The following TBC1D30 variants were observed in gnomAD, a reference collection of about 807,000 sequenced individuals.
TBC1D30 encodes the protein TBC1 domain family member 30.
In TBC1D30, 31 loss-of-function variants were observed where a neutral mutation model predicts 63.2. The ratio of observed to expected loss-of-function variants is 0.49; its 90% CI spans 0.37 to 0.66. The LOEUF is 0.66. TBC1D30 is among the 30% of genes least tolerant of loss of function. The pLI, the probability that TBC1D30 is intolerant of heterozygous loss-of-function variation, is 0.00. For missense variants in TBC1D30, 810 were observed against 953.6 expected (o/e 0.85, Z 1.98); for synonymous variants, 307 against 361.5 (o/e 0.85, Z 1.71).
chr12:64,804,000 A>G (rs535272173), intron 2 of TBC1D30, among the ~76,000 whole-genome samples: 457 of 152,288 alleles, frequency 3.0e-3, no homozygotes, highest in African/African-American at 0.011. Context: ...TTGGTTCCAT[A>G]TGAACTTCAA....
At chr12:64,771,335 G>A (rs1870898639) in intron 1 of TBC1D30, among the ~76,000 whole-genome samples, 1 of 152,082 alleles carries the variant, frequency 6.6e-6, no homozygotes, top group African/African-American at 2.4e-5. Context: ...AGCTTCTAGT[G>A]TACTGAGCCC....
intron 2 of TBC1D30, among the ~76,000 whole-genome samples, chr12:64,815,192 G>A (rs1020193039): frequency 1.3e-5 from 2 of 152,110 alleles, no homozygotes; most frequent in African/African-American, 4.8e-5. Context: ...TTCCTTTTGA[G>A]TCAATTTTTT....
At chr12:64,772,275 A>T (rs1276290252) in intron 1 of TBC1D30, among the ~76,000 whole-genome samples, 1 of 150,082 alleles carries the variant, frequency 6.7e-6, no homozygotes, top group Admixed American at 6.6e-5. Context: ...GGCACAAAGT[A>T]TGAAGATCTT....
chr12:64,802,649 C>A (rs1200986474), intron 2 of TBC1D30, among the ~76,000 whole-genome samples: 1 of 152,006 alleles, frequency 6.6e-6, no homozygotes, highest in Non-Finnish European at 1.5e-5. Context: ...CCTCCCCCGT[C>A]CCCCACCGCA....
At chr12:64,813,007 C>T (rs1873303870) in intron 2 of TBC1D30, among the ~76,000 whole-genome samples, 1 of 151,852 alleles carries the variant, frequency 6.6e-6, no homozygotes, top group African/African-American at 2.4e-5. Flanking sequence ...TGGGTGGTAA[C>T]GAAAATAAAG....
In TBC1D30 at chr12:64,877,028, C is replaced by T. The variant is rs938108182; in HGVS notation, c.*1240C>T. 5 of 390,716 alleles carry T rather than the reference C, an allele frequency of 1.3e-5. No individual in the cohort carries two copies. The highest frequency in any genetic ancestry group is 1.0e-4 in the African/African-American group (5 of 48,254). 24.2% of individuals were successfully genotyped at this position (390,716 alleles called of 1,614,324 possible). A position where few individuals can be genotyped will look rare whatever the true frequency, so the allele number is the denominator to read the frequency against. On this transcript the variant is annotated 3_prime_UTR_variant, in exon 12 of 12. Transcript: ENST00000539867. Reference sequence around the variant, plus strand: ...TCTTTGTACACAGATGTATTGGCTACATAGCGTGTAAAAACCAAGACTGGG... The same window carrying T: ...TCTTTGTACACAGATGTATTGGCTATATAGCGTGTAAAAACCAAGACTGGG...
rs1426387665 is a variant in TBC1D30 at position 64,879,660 on chromosome 12, A to G, written c.*3872A>G. 1.3e-5 allele frequency: 2 copies of G among 152,178 alleles called. No individual in the cohort carries two copies. Among genetic ancestry groups the G allele is most frequent in the Non-Finnish European group, 2.9e-5 (2 of 68,028 alleles). 9.4% of individuals were successfully genotyped at this position (152,178 alleles called of 1,614,324 possible). On this transcript the variant is annotated 3_prime_UTR_variant, in exon 12 of 12. Coordinates refer to ENST00000539867, the MANE Select transcript of TBC1D30 (RefSeq NM_015279.2). ...TGAACACTCATAACACCCATACCTC[A>G]TTCCTGACTTTTAAAAGAAGCATTA...
chr12:64,783,040 A>G (rs1481308655), intron 1 of TBC1D30, among the ~76,000 whole-genome samples: 3 of 152,196 alleles, frequency 2.0e-5, no homozygotes, highest in Admixed American at 6.5e-5. Flanking sequence ...TCTTTTTCTC[A>G]GGCTCAAAAA....
chr12:64,766,581 A>G (rs1358095734), intron 1 of TBC1D30, among the ~76,000 whole-genome samples: 1 of 152,216 alleles, frequency 6.6e-6, no homozygotes, highest in Non-Finnish European at 1.5e-5. Context: ...GAAAAAATGG[A>G]CAACTCGATA....
intron 8 of TBC1D30, among the ~76,000 whole-genome samples, chr12:64,846,767 T>C (rs1460416916): frequency 1.4e-5 from 2 of 147,882 alleles, no homozygotes; most frequent in African/African-American, 5.0e-5. Context: ...ATCAAATCTG[T>C]AGATTGCCTT....
At chr12:64,812,975 G>C (rs972742366) in intron 2 of TBC1D30, among the ~76,000 whole-genome samples, 42 of 152,104 alleles carry the variant, frequency 2.8e-4, no homozygotes, top group African/African-American at 1.0e-3. Flanking sequence ...GAGTGATCTT[G>C]CATTAAATTT....
rs1054707249 is a variant in TBC1D30, at chr12:64,879,659, C to G, written c.*3871C>G. 2.0e-5 allele frequency: 3 copies of G among 152,166 alleles called. No individual in the cohort carries two copies. Among genetic ancestry groups the G allele is most frequent in the Non-Finnish European group, 4.4e-5 (3 of 68,036 alleles). The allele number at this position is 152,166 out of a possible 1,614,324, so 9.4% of individuals were successfully genotyped here. A position where few individuals can be genotyped will look rare whatever the true frequency, so the allele number is the denominator to read the frequency against. On this transcript the variant is annotated 3_prime_UTR_variant, in exon 12 of 12. Transcript: ENST00000539867. ...ATGAACACTCATAACACCCATACCT[C>G]ATTCCTGACTTTTAAAAGAAGCATT...
chr12:64,843,437 C>T lies in TBC1D30; in HGVS notation c.990C>T (p.Thr330=), dbSNP rs960521460. 4 of 1,536,208 alleles carry T rather than the reference C, an allele frequency of 2.6e-6. No individual in the cohort carries two copies. Among genetic ancestry groups the T allele is most frequent in the Non-Finnish European group, 3.5e-6 (4 of 1,146,918 alleles). The change falls in exon 8 of 12, where the codon ACC becomes ACT. Residue 330 remains threonine, a synonymous_variant. Coordinates refer to ENST00000539867, the MANE Select transcript of TBC1D30 (RefSeq NM_015279.2). ...TCTACAGCACCATGGGGCGCCTTACCCAGGAGATGCTAGAGAATGATCTTC... is the reference window on the plus strand; with the variant it reads ...TCTACAGCACCATGGGGCGCCTTACTCAGGAGATGCTAGAGAATGATCTTC... ...DEFYSTMGRL[T]QEMLENDLLQ... is the part of the protein sequence containing the mutation.
In TBC1D30 at chr12:64,876,064, T is replaced by C. The variant is rs1341583342; in HGVS notation, c.*276T>C. On this transcript the variant is annotated 3_prime_UTR_variant, in exon 12 of 12. Transcript: ENST00000539867. ...TTTCCCAATTTTTCATTGTGAGCTG[T>C]TTAAAAAAGACTATATCTAGATTGT... 1.6e-5 allele frequency: 6 copies of C among 377,746 alleles called. No individual in the cohort carries two copies. Among genetic ancestry groups the C allele is most frequent in the Middle Eastern group, 1.4e-3 (2 of 1,420 alleles). The allele number at this position is 377,746 out of a possible 1,614,324, so 23.4% of individuals were successfully genotyped here.
chr12:64,784,163 T>C (rs1871432709), intron 1 of TBC1D30, among the ~76,000 whole-genome samples: 1 of 152,014 alleles, frequency 6.6e-6, no homozygotes, highest in Non-Finnish European at 1.5e-5. Flanking sequence ...TCATGGTAAT[T>C]CCTTATTTTT....
At chr12:64,788,507 G>A (rs1871731214) in intron 2 of TBC1D30, among the ~76,000 whole-genome samples, 1 of 152,176 alleles carries the variant, frequency 6.6e-6, no homozygotes, top group Non-Finnish European at 1.5e-5. Context: ...GGTATATCAG[G>A]TTAGTCCAGG....
At chr12:64,781,258 G>A (rs1159855540) in exon 1 of TBC1D30, 2 of 1,155,852 alleles carry the variant, frequency 1.7e-6, no homozygotes, top group Non-Finnish European at 2.2e-6. Context: ...CGAGCCAGCG[G>A]CATCAGATGC....
chr12:64,796,834 TTC>T (rs1872304568), intron 2 of TBC1D30, among the ~76,000 whole-genome samples: 1 of 152,046 alleles, frequency 6.6e-6, no homozygotes, highest in Admixed American at 6.5e-5. Flanking sequence ...CGATTTGAAG[TTC>T]TTTTATACGA....
chr12:64,824,976 A>C lies in TBC1D30; in HGVS notation c.97A>C (p.Lys33Gln). Reference protein sequence around the residue: ...GVGTILSNVLKKRSCISRTAP... With the variant: ...GVGTILSNVLQKRSCISRTAP... ...GGGCACCATCCTGAGCAATGTGCTC[A>C]AGAAGCGCAGCTGCATTTCCCGGAC... The change falls in exon 1 of 12, where the codon AAG becomes CAG. Residue 33 changes from lysine to glutamine, a missense_variant. Around this residue, in one of 4 missense-constraint regions of TBC1D30, gnomAD observed 272 missense variants for 335.9 expected, o/e 0.81. Coordinates refer to ENST00000539867, the MANE Select transcript of TBC1D30 (RefSeq NM_015279.2). 1.3e-6 allele frequency: 2 copies of C among 1,534,704 alleles called. No homozygotes were observed. Among genetic ancestry groups the C allele is most frequent in the Admixed American group, 2.0e-5 (1 of 50,954 alleles).
Sources: gnomAD v4.1 joint callset for allele counts (sites outside exome capture counted in the v4.1 genomes callset) on GRCh38, gnomAD v4.1.1 for gene constraint, gnomAD v4.1.1 regional missense constraint, MANE v1.5 for transcripts, NCBI Gene and HGNC (gene_info 2026-07-23, HGNC 2026-07-21) for gene names.